Variants in NDUFAF2 observed in about 807,000 individuals in gnomAD.
The protein encoded by NDUFAF2 is NADH:ubiquinone oxidoreductase complex assembly factor 2.
A neutral mutation model predicts 22.8 loss-of-function variants in NDUFAF2; 13 were observed. The ratio of observed to expected loss-of-function variants is 0.57; its 90% CI spans 0.37 to 0.91. The LOEUF (loss-of-function observed/expected upper bound fraction) is 0.91, where lower values mean the gene tolerates loss of function less well. NDUFAF2 is among the 40% of genes least tolerant of loss of function. The pLI, the probability that NDUFAF2 is intolerant of heterozygous loss-of-function variation, is 0.01. For synonymous variants in NDUFAF2, 53 were observed against 64.2 expected (o/e 0.83, Z 0.84); for missense variants, 162 against 195.2 (o/e 0.83, Z 1.01).
At chr5:60,989,169 G>A (rs167912) in intron 1 of NDUFAF2, among the ~76,000 whole-genome samples, 22,521 of 152,092 alleles carry the variant, frequency 0.15, 2,108 homozygotes, top group South Asian at 0.27. Context: ...AATGCTGTAC[G>A]TCAGTAATAA....
Position 61,010,732 on chromosome 5 carries a change from T to G in NDUFAF2, c.128-62393T>G, listed in dbSNP as rs187330543. Among the ~76,000 whole-genome samples, 28 of 152,312 alleles carry G rather than the reference T, an allele frequency of 1.8e-4. No individual in the cohort carries two copies. In the East Asian group the frequency reaches 4.8e-3, roughly 26 times the overall value. ...CCCTTCTTCTTTCAGTAATAAGAAC[T>G]CTAATTTTTAGCTGGACATATTGCC... On this transcript the variant is annotated intron_variant, in intron 1 of 3. Coordinates refer to ENST00000296597, the MANE Select transcript of NDUFAF2 (RefSeq NM_174889.5).
At chr5:60,986,816 C>G (rs917790414) in intron 1 of NDUFAF2, among the ~76,000 whole-genome samples, 4 of 151,692 alleles carry the variant, frequency 2.6e-5, no homozygotes, top group Non-Finnish European at 5.9e-5. Flanking sequence ...CCTGCAATCC[C>G]AGCTATTCAG....
chr5:61,049,935 T>C (rs1407876373), intron 1 of NDUFAF2, among the ~76,000 whole-genome samples: 3 of 146,236 alleles, frequency 2.1e-5, no homozygotes, highest in Non-Finnish European at 3.0e-5. Context: ...ATGTATAGTC[T>C]GATGAGGGAC....
At chr5:60,995,694 C>T (rs1035755665) in intron 1 of NDUFAF2, among the ~76,000 whole-genome samples, 10 of 152,198 alleles carry the variant, frequency 6.6e-5, no homozygotes, top group African/African-American at 1.2e-4. Context: ...TACACTACTG[C>T]CTATATGTAC....
intron 1 of NDUFAF2, among the ~76,000 whole-genome samples, chr5:60,978,831 G>A (rs766520895): frequency 2.4e-4 from 36 of 152,164 alleles, no homozygotes; most frequent in Admixed American, 4.6e-4. Flanking sequence ...CAGCTGGGAT[G>A]CCCAAGTGAG....
intron 1 of NDUFAF2, among the ~76,000 whole-genome samples, chr5:61,008,053 C>CA (rs1751392799): frequency 6.7e-6 from 1 of 148,790 alleles, no homozygotes; most frequent in African/African-American, 2.5e-5. Context: ...ATCGCAAGAA[C>CA]AAAAAACCAA....
At chr5:61,025,563 C>A (rs183281748) in intron 1 of NDUFAF2, among the ~76,000 whole-genome samples, 41 of 151,972 alleles carry the variant, frequency 2.7e-4, no homozygotes, top group African/African-American at 9.4e-4. Flanking sequence ...GAAAATGATT[C>A]TTTGGTGAAA....
Position 60,963,011 on chromosome 5 carries a change from G to A in NDUFAF2, c.127+17629G>A, listed in dbSNP as rs140310903. On this transcript the variant is annotated intron_variant, in intron 1 of 3. Coordinates refer to ENST00000296597, the MANE Select transcript of NDUFAF2 (RefSeq NM_174889.5). ...AGTCATTCTCCTGCCTCAGCTTCCC[G>A]AGTAGTTGGAACTACAGGCACGTGC... Among the ~76,000 whole-genome samples, 575 of 151,554 alleles carry A rather than the reference G, an allele frequency of 3.8e-3. 4 individuals are homozygous for A. The highest frequency in any genetic ancestry group is 0.013 in the African/African-American group (519 of 41,392).
At chr5:61,020,285 CTT>C (rs1054594892) in intron 1 of NDUFAF2, among the ~76,000 whole-genome samples, 1 of 151,932 alleles carries the variant, frequency 6.6e-6, no homozygotes, top group Non-Finnish European at 1.5e-5. Flanking sequence ...ATATATTCTA[CTT>C]TCTCTGTTTC....
At chr5:61,023,709 C>T (rs1373465229) in intron 1 of NDUFAF2, among the ~76,000 whole-genome samples, 2 of 151,764 alleles carry the variant, frequency 1.3e-5, no homozygotes, top group African/African-American at 2.4e-5. Flanking sequence ...GACTGTTTTC[C>T]CTCTCTCATT....
Position 61,080,362 on chromosome 5 carries a change from G to A in NDUFAF2, c.217+7148G>A, listed in dbSNP as rs181258370. Among the ~76,000 whole-genome samples, 457 of 152,256 alleles carry A rather than the reference G, an allele frequency of 3.0e-3. 2 individuals carry two copies. Among genetic ancestry groups the A allele is most frequent in the African/African-American group, 0.011 (441 of 41,558 alleles). ...ATTTGATTTTATAAAAAACTGCCAA[G>A]ATATTTTTCAATGTGGCTGTACCAT... On this transcript the variant is annotated intron_variant, in intron 2 of 3. Coordinates refer to ENST00000296597, the MANE Select transcript of NDUFAF2 (RefSeq NM_174889.5).
At chr5:61,119,303 A>C (rs1454267643) in intron 3 of NDUFAF2, among the ~76,000 whole-genome samples, 1 of 152,184 alleles carries the variant, frequency 6.6e-6, no homozygotes, top group Non-Finnish European at 1.5e-5. Context: ...ATTTCTTTGC[A>C]TGTAGACTTC....
chr5:61,045,319 A>ATTAAATTTTAATAAAATAAAATAAAATT (rs1751938451), intron 1 of NDUFAF2, among the ~76,000 whole-genome samples: 1 of 148,238 alleles, frequency 6.7e-6, no homozygotes, highest in Non-Finnish European at 1.5e-5. Flanking sequence ...ATAAAATTTT[A>ATTAAATTTTAATAAAATAAAATAAAATT]TTAAATTTTA....
At chr5:61,127,918 C>T (rs1318022105) in intron 3 of NDUFAF2, among the ~76,000 whole-genome samples, 1 of 152,160 alleles carries the variant, frequency 6.6e-6, no homozygotes, top group Non-Finnish European at 1.5e-5. Flanking sequence ...CCAAAATCTC[C>T]TTAAGCTGAT....
At chr5:61,142,533 A>G (rs1741074311) in intron 3 of NDUFAF2, among the ~76,000 whole-genome samples, 1 of 152,230 alleles carries the variant, frequency 6.6e-6, no homozygotes, top group Admixed American at 6.5e-5. Flanking sequence ...CAAAACAACA[A>G]AACTCAGTGT....
At chr5:61,005,217 T>C (rs1463191557) in intron 1 of NDUFAF2, among the ~76,000 whole-genome samples, 1 of 152,212 alleles carries the variant, frequency 6.6e-6, no homozygotes, top group Non-Finnish European at 1.5e-5. Context: ...GATAGTTGGC[T>C]TAGAATGATG....
At chr5:60,982,557 A>G (rs1357497676) in intron 1 of NDUFAF2, among the ~76,000 whole-genome samples, 1 of 61,576 alleles carries the variant, frequency 1.6e-5, no homozygotes, top group Non-Finnish European at 2.9e-5. Context: ...CCCTCCCCCC[A>G]CCCCACATCA....
At chr5:61,081,923 A>G (rs1752448180) in intron 2 of NDUFAF2, among the ~76,000 whole-genome samples, 1 of 152,274 alleles carries the variant, frequency 6.6e-6, no homozygotes, top group Non-Finnish European at 1.5e-5. Flanking sequence ...GCCAGCAGAA[A>G]GCATGGCTGA....
chr5:60,979,074 C>A (rs1309335341), intron 1 of NDUFAF2, among the ~76,000 whole-genome samples: 3 of 152,122 alleles, frequency 2.0e-5, no homozygotes, highest in Non-Finnish European at 1.5e-5. Context: ...GAAGGAAATC[C>A]AGTTTTGAAG....
Sources: gnomAD v4.1 joint callset for allele counts (sites outside exome capture counted in the v4.1 genomes callset) on GRCh38, gnomAD v4.1.1 for gene constraint, MANE v1.5 for transcripts, NCBI Gene and HGNC (gene_info 2026-07-23, HGNC 2026-07-21) for gene names.